Variants in CALD1 observed in about 807,000 individuals in gnomAD.
CALD1 encodes the protein caldesmon.
A neutral mutation model predicts 99.9 loss-of-function variants in CALD1; 33 were observed. The observed-to-expected ratio is 0.33, with a 90% CI of 0.25 to 0.44. The LOEUF (loss-of-function observed/expected upper bound fraction) is 0.44, where lower values mean the gene tolerates loss of function less well. Among genes scored for constraint, CALD1 ranks in the 20% least tolerant of loss-of-function variants. The pLI, the probability that CALD1 is intolerant of heterozygous loss-of-function variation, is 1.00. For missense variants in CALD1, 861 were observed against 962.1 expected (o/e 0.89, Z 1.39); for synonymous variants, 310 against 325.0 (o/e 0.95, Z 0.50).
intron 1 of CALD1, among the ~76,000 whole-genome samples, chr7:134,806,831 G>A (rs1414096096): frequency 6.6e-6 from 1 of 152,026 alleles, no homozygotes; most frequent in Non-Finnish European, 1.5e-5. Context: ...GTAACATGGT[G>A]GTCAAAGGAG....
upstream of CALD1, among the ~76,000 whole-genome samples, chr7:134,776,077 A>G (rs1796916351): frequency 6.6e-6 from 1 of 152,188 alleles, no homozygotes; most frequent in African/African-American, 2.4e-5. Flanking sequence ...AGATAATTGT[A>G]TAGCAAATAA....
At chr7:134,736,306 G>A in the CALD1 span, among the ~76,000 whole-genome samples, 1 of 91,790 alleles carries the variant, frequency 1.1e-5, no homozygotes, top group African/African-American at 4.6e-5. Context: ...GAGGTCAGTG[G>A]GAGCCTATTG....
At chr7:134,714,792 G>A in the CALD1 span, among the ~76,000 whole-genome samples, 668 of 152,298 alleles carry the variant, frequency 4.4e-3, 3 homozygotes, top group South Asian at 0.018. Context: ...TGGTGGAAAG[G>A]GGTGATAACT....
At chr7:134,833,700 G>A (rs1799319300) in intron 1 of CALD1, among the ~76,000 whole-genome samples, 1 of 152,188 alleles carries the variant, frequency 6.6e-6, no homozygotes, top group East Asian at 1.9e-4. Context: ...GCTAGACACT[G>A]GGGATACAGA....
At chr7:134,828,872 A>T (rs1239780389) in intron 1 of CALD1, among the ~76,000 whole-genome samples, 1 of 152,196 alleles carries the variant, frequency 6.6e-6, no homozygotes, top group Non-Finnish European at 1.5e-5. Flanking sequence ...GCTAATAATT[A>T]TTCATCTATA....
In CALD1 at chr7:134,970,138, C is replaced by T. The variant is rs1270143499; in HGVS notation, c.*1793C>T. On this transcript the variant is annotated 3_prime_UTR_variant, in exon 15 of 15. Coordinates refer to ENST00000361675, the MANE Select transcript of CALD1 (RefSeq NM_033138.4). ...ATGAAGAATGCAGAAGTCAAACCCT[C>T]ATGACAAAGTAGGCACAAGTCTACA... 6.6e-6 allele frequency: 1 copy of T among 152,206 alleles called. No homozygotes were observed. The highest frequency in any genetic ancestry group is 2.4e-5 in the African/African-American group (1 of 41,452). 9.4% of individuals were successfully genotyped at this position (152,206 alleles called of 1,614,324 possible).
chr7:134,742,941 G>A (rs1441797074), upstream of CALD1, among the ~76,000 whole-genome samples: 1 of 152,208 alleles, frequency 6.6e-6, no homozygotes, highest in Non-Finnish European at 1.5e-5. Context: ...AGATATGGAG[G>A]CTCCTGGGAA....
chr7:134,899,840 T>A (rs1214995213), intron 3 of CALD1: 1 of 152,006 alleles, frequency 6.6e-6, no homozygotes, highest in Non-Finnish European at 1.5e-5. Flanking sequence ...AGAGACGAGG[T>A]CTCACTATGC....
At chr7:134,965,256 GAAAATATAA>G in intron 13 of CALD1, 41 bp from the exon 14 acceptor site, 1 of 890,362 alleles carries the variant, frequency 1.1e-6, no homozygotes, top group Non-Finnish European at 1.9e-6. Flanking sequence ...GAGCTGGCTA[GAAAATATAA>G]ATGGCCACCT....
At chr7:134,859,957 C>T (rs553628494) in intron 2 of CALD1, among the ~76,000 whole-genome samples, 1 of 152,182 alleles carries the variant, frequency 6.6e-6, no homozygotes, top group East Asian at 1.9e-4. Flanking sequence ...CTTCTGTTTG[C>T]TAGTGGAGAA....
chr7:134,810,156 G>C (rs1563016932), intron 1 of CALD1, among the ~76,000 whole-genome samples: 1 of 152,118 alleles, frequency 6.6e-6, no homozygotes, highest in Non-Finnish European at 1.5e-5. Flanking sequence ...AACATATTGG[G>C]ACTAGTTGCC....
intron 14 of CALD1, among the ~76,000 whole-genome samples, chr7:134,967,632 T>C (rs1808774872): frequency 6.6e-6 from 1 of 152,136 alleles, no homozygotes; most frequent in Admixed American, 6.5e-5. Context: ...TACATTGATG[T>C]GGCCCTCACT....
chr7:134,897,696 GT>G (rs959185110), intron 3 of CALD1, among the ~76,000 whole-genome samples: 4 of 151,428 alleles, frequency 2.6e-5, no homozygotes, highest in Non-Finnish European at 5.9e-5. Flanking sequence ...TTTGTTTTTT[GT>G]TTTTTTTAAT....
At chr7:134,947,432 A>AGACC (rs1462315646) in intron 7 of CALD1, 76 bp from the exon 8 acceptor site, 1 of 1,437,728 alleles carries the variant, frequency 7.0e-7, no homozygotes, top group African/African-American at 1.4e-5. Flanking sequence ...CAGAAGCCGC[A>AGACC]GACCGACCTC....
rs553023152 is a variant in CALD1 at position 134,822,576 on chromosome 7, A to C, written c.-129-21308A>C. Reference sequence around the variant, plus strand: ...TTGTTAAAAAAATACTAACTTGTCTAACATAATCCTGGAATCTCAAACATA... The same window carrying C: ...TTGTTAAAAAAATACTAACTTGTCTCACATAATCCTGGAATCTCAAACATA... On this transcript the variant is annotated intron_variant, in intron 1 of 14. Coordinates refer to ENST00000361675, the MANE Select transcript of CALD1 (RefSeq NM_033138.4). Among the ~76,000 whole-genome samples the C allele has an allele frequency of 1.2e-4, 18 of 152,358 alleles. No individual in the cohort carries two copies. In the East Asian group the frequency reaches 3.3e-3, roughly 28 times the overall value.
At position 134,758,501 on chromosome 7, in the gene CALD1, G is replaced by GGTGTGTGTGT. The variant is rs59389296; in HGVS notation, c.-130+14167_-130+14176dup. On this transcript the variant is annotated intron_variant, in intron 1 of 13. Transcript: ENST00000417172. ...TTTAAATATCTGCAGCTCCCATTGGGGTGTGTGTGTGTGTGTGTGTGTGTG... is the reference window on the plus strand; with the variant it reads ...TTTAAATATCTGCAGCTCCCATTGGGGTGTGTGTGTGTGTGTGTGTGTGTGTGTGTGTGTG... 7.0e-3 allele frequency among the ~76,000 whole-genome samples: 1,016 copies of GGTGTGTGTGT among 145,204 alleles called. 7 individuals are homozygous for GGTGTGTGTGT. The highest frequency in any genetic ancestry group is 0.024 in the East Asian group (114 of 4,788).
chr7:134,844,243 C>T (rs550467815), intron 2 of CALD1: 1 of 151,804 alleles, frequency 6.6e-6, no homozygotes, highest in South Asian at 2.1e-4. Context: ...ATATCTTTCA[C>T]AAAACAGTCC....
intron 4 of CALD1, among the ~76,000 whole-genome samples, chr7:134,929,250 T>C (rs1355284298): frequency 1.3e-5 from 2 of 152,130 alleles, no homozygotes; most frequent in Non-Finnish European, 2.9e-5. Flanking sequence ...TAATTCTTTC[T>C]TTAAATTTCA....
At chr7:134,839,778 T>C (rs1429061812) in intron 1 of CALD1, among the ~76,000 whole-genome samples, 1 of 152,182 alleles carries the variant, frequency 6.6e-6, no homozygotes, top group East Asian at 1.9e-4. Context: ...TGGCCTTGAC[T>C]TCCCTGGCTC....
Sources: allele counts gnomAD v4.1 joint callset (sites outside exome capture counted in the v4.1 genomes callset), GRCh38; gene constraint gnomAD v4.1.1; transcripts MANE v1.5; gene names NCBI Gene and HGNC (gene_info 2026-07-23, HGNC 2026-07-21).